TXNRD1: variants seen among roughly 807,000 people sequenced by gnomAD.
The protein encoded by TXNRD1 is thioredoxin reductase 1, cytoplasmic.
A neutral mutation model predicts 80.3 loss-of-function variants in TXNRD1; 57 were observed. The ratio of observed to expected loss-of-function variants is 0.71; its 90% CI spans 0.57 to 0.89. The LOEUF (loss-of-function observed/expected upper bound fraction) is 0.89. Among genes scored for constraint, TXNRD1 ranks in the 40% least tolerant of loss-of-function variants. TXNRD1 has a pLI of 0.00. For missense variants in TXNRD1, 730 were observed against 803.0 expected (o/e 0.91, Z 1.10); for synonymous variants, 291 against 285.2 (o/e 1.02, Z -0.20).
chr12:104,243,809 GT>G (rs983519774), intron 1 of TXNRD1, among the ~76,000 whole-genome samples: 4 of 152,200 alleles, frequency 2.6e-5, no homozygotes, highest in African/African-American at 9.7e-5. Flanking sequence ...GAAAACTCAA[GT>G]TCTAACACAT....
At chr12:104,290,642 T>C (rs919895498) in intron 4 of TXNRD1, among the ~76,000 whole-genome samples, 2 of 142,046 alleles carry the variant, frequency 1.4e-5, no homozygotes, top group African/African-American at 2.6e-5. Flanking sequence ...GAGGTTGCAA[T>C]GAGCTGAGAT....
intron 15 of TXNRD1, among the ~76,000 whole-genome samples, chr12:104,336,973 CACT>C (rs2036160387): frequency 6.7e-6 from 1 of 148,304 alleles, no homozygotes. Flanking sequence ...TGTCTTCCTT[CACT>C]TCAAAAGGTA....
intron 3 of TXNRD1, among the ~76,000 whole-genome samples, chr12:104,267,231 A>C (rs1047440689): frequency 1.1e-4 from 4 of 37,236 alleles, no homozygotes; most frequent in Non-Finnish European, 2.3e-4. Context: ...ATAGCTCTTT[A>C]TTTTCTTTTC....
chr12:104,286,342 C>T (rs2033970739), intron 3 of TXNRD1, among the ~76,000 whole-genome samples: 1 of 152,220 alleles, frequency 6.6e-6, no homozygotes, highest in East Asian at 1.9e-4. Flanking sequence ...TTAAAAGACA[C>T]TCTGAGTTTT....
intron 11 of TXNRD1, 109 bp from the exon 12 acceptor site, chr12:104,326,238 A>G (rs1382624294): frequency 5.5e-6 from 4 of 724,508 alleles, no homozygotes; most frequent in Non-Finnish European, 8.9e-6. Flanking sequence ...TTTATTTCCA[A>G]GTTTGAAAAA....
chr12:104,239,254 C>T (rs922958392), intron 1 of TXNRD1, among the ~76,000 whole-genome samples: 1 of 145,586 alleles, frequency 6.9e-6, no homozygotes, highest in Non-Finnish European at 1.5e-5. Flanking sequence ...AGTACAATGG[C>T]GCGATCTCGG....
chr12:104,265,895 A>G (rs1415328796), intron 3 of TXNRD1: 127 of 114,660 alleles, frequency 1.1e-3, no homozygotes, highest in African/African-American at 2.7e-3. Context: ...CCCCGGTGGA[A>G]AAAAAAAAAA....
chr12:104,331,911 A>G (rs919055881), intron 14 of TXNRD1, among the ~76,000 whole-genome samples: 5 of 152,024 alleles, frequency 3.3e-5, no homozygotes, highest in Non-Finnish European at 7.4e-5. Flanking sequence ...TCTATGAACG[A>G]GGGCATTTTC....
intron 3 of TXNRD1, among the ~76,000 whole-genome samples, chr12:104,278,353 C>T (rs1260051993): frequency 2.0e-5 from 3 of 149,592 alleles, no homozygotes; most frequent in African/African-American, 7.4e-5. Context: ...GGCGCCCACC[C>T]CCAAGCCTGG....
At position 104,334,335 on chromosome 12, in the gene TXNRD1, A is replaced by G; in HGVS notation, c.1746+3A>G. On this transcript the variant is annotated splice_donor_region_variant and intron_variant, in intron 15 of 16. Transcript: ENST00000525566. ...TAATCTGTAATACTAAAGACAATGTAAGTTTAATTCTCAATCCTTTCCAGT... is the reference window on the plus strand; with the variant it reads ...TAATCTGTAATACTAAAGACAATGTGAGTTTAATTCTCAATCCTTTCCAGT... The G allele has an allele frequency of 7.0e-7, 1 of 1,421,092 alleles. No homozygotes were observed. The highest frequency in any genetic ancestry group is 1.4e-5 in the South Asian group (1 of 71,588). The allele number at this position is 1,421,092 out of a possible 1,614,324, so 88.0% of individuals were successfully genotyped here.
chr12:104,342,560 A>C (rs2036360901), intron 16 of TXNRD1, among the ~76,000 whole-genome samples: 1 of 152,226 alleles, frequency 6.6e-6, no homozygotes, highest in Non-Finnish European at 1.5e-5. Flanking sequence ...ACTGTACAAA[A>C]GGCCTGGGTG....
At position 104,251,587 on chromosome 12, in the gene TXNRD1, C is replaced by G. The variant is rs755913996; in HGVS notation, c.152C>G (p.Ala51Gly). The change falls in exon 2 of 17, where the codon GCC (alanine) becomes GGC (glycine). Residue 51 changes from alanine (A) to glycine (G), a missense_variant. Physicochemically the swap from Ala to Gly is moderately conservative, Grantham distance 60. Coordinates refer to ENST00000525566, the MANE Select transcript of TXNRD1 (RefSeq NM_001093771.3). ...AACCCAGCAGGATTCACCAGCACGG[C>G]CACTGCAGACTCCAGAGCCCTGCTT... The part of the protein sequence containing the change: ...PENPAGFTST[A>G]TADSRALLQA... 10 of 1,613,934 alleles carry G rather than the reference C, an allele frequency of 6.2e-6. No homozygotes were observed. Among genetic ancestry groups the G allele is most frequent in the Non-Finnish European group, 8.5e-6 (10 of 1,179,856 alleles).
At chr12:104,318,755 G>C (rs2035418382) in intron 7 of TXNRD1, among the ~76,000 whole-genome samples, 158 bp from the exon 8 acceptor site, 1 of 152,222 alleles carries the variant, frequency 6.6e-6, no homozygotes. Context: ...AATACTTGAA[G>C]ATGAAAAAGT....
rs1039160992 is a variant in TXNRD1 at position 104,346,069 on chromosome 12, G to A, written c.1882-2284G>A. ...TTCCTGTCACCCAGGCTGGAGTGCA[G>A]TGGTGTGATCTCAGTTCACTGCAGC... On this transcript the variant is annotated intron_variant, in intron 16 of 16. Transcript: ENST00000525566. The A allele has an allele frequency of 4.8e-5, 53 of 1,114,492 alleles. No individual in the cohort carries two copies. The African/African-American group carries it at 6.6e-4, about 14-fold the overall frequency. 69.0% of individuals were successfully genotyped at this position (1,114,492 alleles called of 1,614,324 possible). A position where few individuals can be genotyped will look rare whatever the true frequency, so the allele number is the denominator to read the frequency against.
chr12:104,295,323 A>G (rs777217911), intron 4 of TXNRD1, among the ~76,000 whole-genome samples: 5 of 152,150 alleles, frequency 3.3e-5, no homozygotes, highest in Non-Finnish European at 7.4e-5. Flanking sequence ...TGACTATTCT[A>G]GGCATCACCT....
chr12:104,330,857 G>A (rs2035924514), intron 13 of TXNRD1, among the ~76,000 whole-genome samples: 4 of 152,020 alleles, frequency 2.6e-5, no homozygotes, highest in Admixed American at 6.6e-5. Context: ...CAAAGTGCTC[G>A]GATTACAGGT....
chr12:104,304,446 T>C (rs537709102), intron 4 of TXNRD1: 1 of 1,614,042 alleles, frequency 6.2e-7, no homozygotes, highest in Non-Finnish European at 8.5e-7. Flanking sequence ...TTCCATTTTG[T>C]TTTTGGTTCA....
At chr12:104,338,409 A>G (rs944481122) in intron 15 of TXNRD1, among the ~76,000 whole-genome samples, 9 of 151,058 alleles carry the variant, frequency 6.0e-5, no homozygotes, top group African/African-American at 2.2e-4. Context: ...GTCTCTGGCC[A>G]TTTTTCCAGG....
chr12:104,267,241 C>CTTTTTCTTTCTTTCTTTCTTTCTT (rs755476528), intron 3 of TXNRD1, among the ~76,000 whole-genome samples: 1 of 85,750 alleles, frequency 1.2e-5, no homozygotes, highest in Non-Finnish European at 2.1e-5. Flanking sequence ...ATTTTCTTTT[C>CTTTTTCTTTCTTTCTTTCTTTCTT]TCTTTCTTTC....
Sources: allele counts gnomAD v4.1 joint callset (sites outside exome capture counted in the v4.1 genomes callset), GRCh38; gene constraint gnomAD v4.1.1; transcripts MANE v1.5; gene names NCBI Gene and HGNC (gene_info 2026-07-23, HGNC 2026-07-21).